The following HSDL1 variants were observed in gnomAD, a reference collection of about 807,000 sequenced individuals.
HSDL1 encodes hydroxysteroid dehydrogenase like 1.
A neutral mutation model predicts 31.5 loss-of-function variants in HSDL1; 29 were observed. That is an observed-to-expected ratio of 0.92 (90% CI 0.69 to 1.26). The LOEUF (loss-of-function observed/expected upper bound fraction) is 1.26. HSDL1 is among the 50% of genes most tolerant of loss of function. The pLI is 0.00. For missense variants in HSDL1, 503 were observed against 416.6 expected, an observed-to-expected ratio of 1.21 and a Z score of -1.81; for synonymous variants, 222 against 155.2, an observed-to-expected ratio of 1.43 and a Z score of -3.20.
At chr16:84,144,911 C>A (rs1193524651) in intron 1 of HSDL1, among the ~76,000 whole-genome samples, 169 bp downstream of exon 1, 3 of 149,418 alleles carry the variant, frequency 2.0e-5, no homozygotes, top group East Asian at 2.0e-4. Context: ...GGGTCAGGGG[C>A]GCCAAGGGGC....
intron 2 of HSDL1, among the ~76,000 whole-genome samples, chr16:84,131,690 T>C (rs1788686883): frequency 6.7e-6 from 1 of 150,104 alleles, no homozygotes. Flanking sequence ...AATTTTTTTT[T>C]TTTTTTTTGA....
At chr16:84,142,136 C>G (rs1176094471) in intron 1 of HSDL1, among the ~76,000 whole-genome samples, 1 of 152,082 alleles carries the variant, frequency 6.6e-6, no homozygotes, top group Non-Finnish European at 1.5e-5. Flanking sequence ...CCATGTTGCC[C>G]AGGCTGGTCT....
intron 5 of HSDL1, chr16:84,125,042 T>G (rs1341554742): frequency 5.3e-6 from 1 of 187,928 alleles, no homozygotes; most frequent in Non-Finnish European, 1.0e-5. Flanking sequence ...TACCCACCAA[T>G]CACAACAAAT....
At chr16:84,137,699 C>T (rs2086725347) in intron 1 of HSDL1, among the ~76,000 whole-genome samples, 1 of 152,246 alleles carries the variant, frequency 6.6e-6, no homozygotes, top group Middle Eastern at 3.2e-3. Context: ...TCTCAATCTT[C>T]TTCCCCACCC....
At chr16:84,129,890 G>T in intron 4 of HSDL1, 96 bp downstream of exon 4, 1 of 1,414,058 alleles carries the variant, frequency 7.1e-7, no homozygotes, top group South Asian at 1.3e-5. Context: ...AAGCATATGT[G>T]AGTTGCTGAC....
chr16:84,140,869 C>T (rs756326117), intron 1 of HSDL1, among the ~76,000 whole-genome samples: 4 of 151,834 alleles, frequency 2.6e-5, no homozygotes, highest in East Asian at 2.0e-4. Flanking sequence ...TTTGGGAGGC[C>T]GAGGCGGGCG....
At chr16:84,139,410 T>A (rs952949944) in intron 1 of HSDL1, 1 of 151,802 alleles carries the variant, frequency 6.6e-6, no homozygotes, top group African/African-American at 2.4e-5. Flanking sequence ...CTGGTTTCGA[T>A]AATAGAGAGA....
At chr16:84,136,007 C>T (rs1378827487) in intron 1 of HSDL1, among the ~76,000 whole-genome samples, 1 of 152,242 alleles carries the variant, frequency 6.6e-6, no homozygotes, top group Admixed American at 6.5e-5. Context: ...CCTTTTTCTG[C>T]CTGGTGCCTG....
chr16:84,127,913 G>A (rs1402100133), intron 5 of HSDL1, among the ~76,000 whole-genome samples: 1 of 150,930 alleles, frequency 6.6e-6, no homozygotes, highest in Non-Finnish European at 1.5e-5. Context: ...TAGAGACGGG[G>A]TTTCACGGTG....
intron 1 of HSDL1, among the ~76,000 whole-genome samples, chr16:84,139,565 T>C (rs2086746334): frequency 6.6e-6 from 1 of 152,058 alleles, no homozygotes; most frequent in Non-Finnish European, 1.5e-5. Flanking sequence ...CAGATTCCCA[T>C]CTCCAGAAGG....
intron 1 of HSDL1, among the ~76,000 whole-genome samples, chr16:84,140,533 G>A (rs1567524565): frequency 6.6e-6 from 1 of 152,050 alleles, no homozygotes; most frequent in South Asian, 2.1e-4. Context: ...CCAAAGTGCT[G>A]GGATTACAGG....
chr16:84,134,459 C>G (rs1012215120), intron 2 of HSDL1, among the ~76,000 whole-genome samples: 2 of 151,978 alleles, frequency 1.3e-5, no homozygotes, highest in African/African-American at 4.8e-5. Flanking sequence ...CTGATCTCTA[C>G]TAAAAACACA....
chr16:84,129,322 G>T (rs559841445), intron 5 of HSDL1, among the ~76,000 whole-genome samples: 1 of 152,014 alleles, frequency 6.6e-6, no homozygotes, highest in African/African-American at 2.4e-5. Context: ...GGAGCTTGCA[G>T]TGAGCTGAGA....
chr16:84,144,057 T>G (rs62048434), intron 1 of HSDL1, among the ~76,000 whole-genome samples: 1 of 70,334 alleles, frequency 1.4e-5, no homozygotes, highest in African/African-American at 5.5e-5. Context: ...CCCCTCCCTC[T>G]CCCTCTCCCT....
chr16:84,133,365 G>A (rs1275797097), intron 2 of HSDL1, among the ~76,000 whole-genome samples: 1 of 152,162 alleles, frequency 6.6e-6, no homozygotes, highest in Non-Finnish European at 1.5e-5. Flanking sequence ...AAAAAAGAAA[G>A]TTTCATACTG....
In HSDL1 at chr16:84,130,490, G is replaced by T. The variant is rs563669240; in HGVS notation, c.221-59C>A. 2.7e-5 allele frequency: 37 copies of T among 1,390,764 alleles called. No homozygotes were observed. In the African/African-American group the frequency reaches 5.0e-4, roughly 19 times the overall value. 86.2% of individuals were successfully genotyped at this position (1,390,764 alleles called of 1,614,324 possible). On this transcript the variant is annotated intron_variant, in intron 3 of 5. Coordinates refer to ENST00000219439, the MANE Select transcript of HSDL1 (RefSeq NM_031463.5). ...ATTTCACGGTGTGACCCTTAAAATG[G>T]ACCCAAAGTACCCCCTGTCAGGTTT...
intron 1 of HSDL1, among the ~76,000 whole-genome samples, chr16:84,140,182 A>G (rs112173746): frequency 1.5e-4 from 23 of 152,162 alleles, no homozygotes; most frequent in African/African-American, 4.1e-4. Flanking sequence ...CAACTTGCTT[A>G]TATCTTGGTT....
In HSDL1 at chr16:84,126,102, C is replaced by CA. The variant is rs144379672; in HGVS notation, c.895-1375dup. 7.1e-3 allele frequency among the ~76,000 whole-genome samples: 728 copies of CA among 102,468 alleles called. 7 individuals carry two copies. The highest frequency in any genetic ancestry group is 0.019 in the Middle Eastern group (3 of 156). 67.2% of individuals were successfully genotyped at this position (102,468 alleles called of 152,430 possible). A position where few individuals can be genotyped will look rare whatever the true frequency, so the allele number is the denominator to read the frequency against. On this transcript the variant is annotated intron_variant, in intron 5 of 5. Transcript: ENST00000219439. ...TGGGCAACAGAGCAAAACTCTGTCT[C>CA]AAAAAAAAAAAAAAAAACACCACAA...
chr16:84,141,993 T>C (rs2086773429), intron 1 of HSDL1, among the ~76,000 whole-genome samples: 1 of 152,232 alleles, frequency 6.6e-6, no homozygotes, highest in South Asian at 2.1e-4. Context: ...AGTGGCATGA[T>C]CACAGCTCAC....
Sources: allele counts gnomAD v4.1 joint callset (sites outside exome capture counted in the v4.1 genomes callset), GRCh38; gene constraint gnomAD v4.1.1; transcripts MANE v1.5; gene names NCBI Gene and HGNC (gene_info 2026-07-23, HGNC 2026-07-21).